TCF4: variants seen among roughly 807,000 people sequenced by gnomAD.
TCF4 encodes transcription factor 4.
TCF4 carries 3 observed loss-of-function variants against 82.1 expected under a neutral mutation model. The ratio of observed to expected loss-of-function variants is 0.04; its 90% CI spans 0.02 to 0.09. The LOEUF is 0.09. Ranked by LOEUF, TCF4 falls within the 10% of genes least tolerant of loss-of-function variation. The pLI, the probability that TCF4 is intolerant of heterozygous loss-of-function variation, is 1.00. For synonymous variants in TCF4, 276 were observed against 309.6 expected, an observed-to-expected ratio of 0.89 and a Z score of 1.14; for missense variants, 518 against 852.7, an observed-to-expected ratio of 0.61 and a Z score of 4.89.
chr18:55,620,461 T>C (rs896520733), intron 2 of TCF4, among the ~76,000 whole-genome samples: 2 of 152,180 alleles, frequency 1.3e-5, no homozygotes, highest in Non-Finnish European at 2.9e-5. Context: ...TGAGTAATGT[T>C]CCTTCTAATC....
intron 8 of TCF4, among the ~76,000 whole-genome samples, chr18:55,323,423 G>C (rs539101563): frequency 6.6e-6 from 1 of 152,166 alleles, no homozygotes; most frequent in Non-Finnish European, 1.5e-5. Context: ...AGCAAAGCCC[G>C]GGCTAATGGT....
At chr18:55,340,725 T>A (rs940273597) in intron 8 of TCF4, among the ~76,000 whole-genome samples, 1 of 152,188 alleles carries the variant, frequency 6.6e-6, no homozygotes, top group Non-Finnish European at 1.5e-5. Flanking sequence ...TAGGCTGCCA[T>A]GTTAGATTTG....
intron 2 of TCF4, among the ~76,000 whole-genome samples, chr18:55,626,894 T>C (rs1490565278): frequency 6.6e-6 from 1 of 152,160 alleles, no homozygotes; most frequent in Admixed American, 6.5e-5. Flanking sequence ...AAGCACAAAT[T>C]GTGTAGGCAA....
chr18:55,408,119 G>A (rs1052976655), intron 5 of TCF4, among the ~76,000 whole-genome samples: 1 of 152,120 alleles, frequency 6.6e-6, no homozygotes, highest in African/African-American at 2.4e-5. Context: ...ACAGGGTCAT[G>A]TTTGGTTGTG....
At chr18:55,301,030 C>T (rs916440731) in intron 8 of TCF4, among the ~76,000 whole-genome samples, 7 of 152,080 alleles carry the variant, frequency 4.6e-5, no homozygotes, top group African/African-American at 1.7e-4. Context: ...CTCAGCACAT[C>T]CGGCCTGGAG....
intron 5 of TCF4, among the ~76,000 whole-genome samples, chr18:55,421,129 C>T (rs892650667): frequency 4.0e-5 from 6 of 151,650 alleles, no homozygotes; most frequent in Admixed American, 3.9e-4. Flanking sequence ...TATTTTACCA[C>T]AATAGATTTT....
rs2048095452 is a variant in TCF4, at chr18:55,232,154, GT to G, written c.1649+354del. ...TATAGTTGGCACATACATCAGTTGA[GT>G]TTTTAACATGGCTACAATCTCTTTT... On this transcript the variant is annotated intron_variant, in intron 17 of 19. Transcript: ENST00000354452. 3 of 236,966 alleles carry G rather than the reference GT, an allele frequency of 1.3e-5. No individual in the cohort carries two copies. The South Asian group carries it at 1.8e-4, about 15-fold the overall frequency. The allele number at this position is 236,966 out of a possible 1,614,324, so 14.7% of individuals were successfully genotyped here. A position where few individuals can be genotyped will look rare whatever the true frequency, so the allele number is the denominator to read the frequency against.
intron 6 of TCF4, among the ~76,000 whole-genome samples, chr18:55,366,844 G>T (rs981101169): frequency 3.9e-5 from 6 of 151,990 alleles, no homozygotes; most frequent in Non-Finnish European, 5.9e-5. Context: ...GTCATTTTTT[G>T]ATTTACTGCA....
At chr18:55,586,515 A>C (rs1360541414) in intron 2 of TCF4, among the ~76,000 whole-genome samples, 1 of 152,226 alleles carries the variant, frequency 6.6e-6, no homozygotes, top group Non-Finnish European at 1.5e-5. Context: ...ATGTATGCTC[A>C]GCATATCCAT....
At chr18:55,566,668 T>A (rs1221963931) in intron 3 of TCF4, among the ~76,000 whole-genome samples, 1 of 152,070 alleles carries the variant, frequency 6.6e-6, no homozygotes, top group African/African-American at 2.4e-5. Flanking sequence ...GGAAGATGGG[T>A]CTAAAGAAAT....
intron 6 of TCF4, among the ~76,000 whole-genome samples, chr18:55,374,672 A>G (rs1011392): frequency 0.39 from 58,936 of 151,556 alleles, 11,907 homozygotes; most frequent in East Asian, 0.58. Flanking sequence ...AGGCTAAGGC[A>G]GGCAGATGGC....
chr18:55,401,872 T>C lies in TCF4; in HGVS notation c.369+1582A>G, dbSNP rs1603447282. ...AAAACAGAGACCTCTGCCATGACCA[T>C]CTGCAGAAAGGAAGGATGTTGTCAA... is the stretch of plus-strand genomic sequence containing the variant. On this transcript the variant is annotated intron_variant, in intron 6 of 19. Coordinates refer to ENST00000354452, the MANE Select transcript of TCF4 (RefSeq NM_001083962.2). 3.4e-6 allele frequency: 3 copies of C among 874,458 alleles called. No individual in the cohort carries two copies. In the East Asian group the frequency reaches 3.6e-4, roughly 106 times the overall value. The allele number at this position is 874,458 out of a possible 1,614,324, so 54.2% of individuals were successfully genotyped here. A position where few individuals can be genotyped will look rare whatever the true frequency, so the allele number is the denominator to read the frequency against.
chr18:55,438,283 C>T (rs2095370840), intron 5 of TCF4, among the ~76,000 whole-genome samples: 1 of 151,632 alleles, frequency 6.6e-6, no homozygotes, highest in African/African-American at 2.4e-5. Context: ...CCCTCACTCT[C>T]TCCTCTCATT....
At chr18:55,579,482 G>T (rs879399783) in intron 3 of TCF4, among the ~76,000 whole-genome samples, 3 of 151,716 alleles carry the variant, frequency 2.0e-5, no homozygotes, top group African/African-American at 4.8e-5. Context: ...AGAAAGGGCA[G>T]ATTTTTCTGT....
At chr18:55,396,095 C>T (rs759129124) in intron 6 of TCF4, among the ~76,000 whole-genome samples, 3 of 152,068 alleles carry the variant, frequency 2.0e-5, no homozygotes, top group Admixed American at 1.3e-4. Context: ...GGCCTGGAAT[C>T]GACCAGACAG....
In TCF4 at chr18:55,447,046, C is replaced by T. The variant is rs377436878; in HGVS notation, c.304+13973G>A. On this transcript the variant is annotated intron_variant, in intron 5 of 19. Coordinates refer to ENST00000354452, the MANE Select transcript of TCF4 (RefSeq NM_001083962.2). ...CTTAGCCAAGCTGGACACAGTGGCT[C>T]ACACTTGTAATCTTTGGGAGGCTAA... Among the ~76,000 whole-genome samples the T allele has an allele frequency of 7.9e-5, 12 of 151,240 alleles. No individual in the cohort carries two copies. The East Asian group carries it at 1.4e-3, about 17-fold the overall frequency.
At chr18:55,234,065 G>A (rs969105156) in intron 16 of TCF4, among the ~76,000 whole-genome samples, 24 of 152,124 alleles carry the variant, frequency 1.6e-4, no homozygotes, top group Non-Finnish European at 2.2e-4. Flanking sequence ...AAAGCCGCTC[G>A]TAATCACCGG....
chr18:55,401,853 G>A, intron 6 of TCF4: 1 of 921,224 alleles, frequency 1.1e-6, no homozygotes, highest in South Asian at 5.0e-5. Flanking sequence ...AGCGAAAACA[G>A]AGACCTCTGC....
At chr18:55,499,934 G>A (rs896116619) in intron 3 of TCF4, among the ~76,000 whole-genome samples, 5 of 152,236 alleles carry the variant, frequency 3.3e-5, no homozygotes, top group African/African-American at 1.2e-4. Context: ...TGTAATCCCA[G>A]CACTTTGGGA....
Sources: gnomAD v4.1 joint callset for allele counts (sites outside exome capture counted in the v4.1 genomes callset) on GRCh38, gnomAD v4.1.1 for gene constraint, MANE v1.5 for transcripts, NCBI Gene and HGNC (gene_info 2026-07-23, HGNC 2026-07-21) for gene names.